The following DCDC1 variants were observed in gnomAD, a reference collection of about 807,000 sequenced individuals.
DCDC1 encodes the protein doublecortin domain containing 1.
DCDC1 carries 200 observed loss-of-function variants against 178.3 expected under a neutral mutation model. That is an observed-to-expected ratio of 1.12 (90% CI 1.00 to 1.26). The LOEUF (loss-of-function observed/expected upper bound fraction) is 1.26. Ranked by LOEUF, DCDC1 falls within the 50% of genes most tolerant of loss-of-function variation. DCDC1 has a pLI of 0.00. For missense variants in DCDC1, 1,983 were observed against 1,749.2 expected (o/e 1.13, Z -2.38); for synonymous variants, 690 against 604.8 (o/e 1.14, Z -2.07).
intron 1 of DCDC1, among the ~76,000 whole-genome samples, chr11:31,349,027 A>T (rs1320575184): frequency 6.5e-5 from 9 of 137,918 alleles, no homozygotes; most frequent in Non-Finnish European, 1.1e-4. Context: ...ATAATAGCTT[A>T]TTTTTTTTTA....
chr11:31,166,913 C>T (rs764972852), intron 9 of DCDC1, among the ~76,000 whole-genome samples: 26 of 152,070 alleles, frequency 1.7e-4, no homozygotes, highest in African/African-American at 6.3e-4. Flanking sequence ...TCTTGAACCA[C>T]GAGAGGAAAC....
At chr11:31,126,095 C>G (rs1266757402) in intron 11 of DCDC1, among the ~76,000 whole-genome samples, 2 of 151,868 alleles carry the variant, frequency 1.3e-5, no homozygotes, top group Non-Finnish European at 2.9e-5. Flanking sequence ...TTTTTTTCCC[C>G]AAGTCACACC....
intron 9 of DCDC1, among the ~76,000 whole-genome samples, chr11:31,174,254 C>T (rs1967669926): frequency 1.3e-5 from 2 of 152,344 alleles, no homozygotes; most frequent in South Asian, 4.1e-4. Context: ...GTTGCCTACT[C>T]CCACTGCCTG....
chr11:31,153,713 G>A (rs547244618), intron 9 of DCDC1, among the ~76,000 whole-genome samples: 1 of 151,400 alleles, frequency 6.6e-6, no homozygotes, highest in South Asian at 2.1e-4. Context: ...AACCCAGGAT[G>A]CAGAGGTTGC....
At chr11:30,924,251 G>T (rs556299031) in intron 23 of DCDC1, among the ~76,000 whole-genome samples, 2 of 152,288 alleles carry the variant, frequency 1.3e-5, no homozygotes, top group South Asian at 4.1e-4. Flanking sequence ...AACACTTGGA[G>T]AGATGGCATT....
chr11:31,099,261 T>A (rs1370753388), intron 15 of DCDC1, among the ~76,000 whole-genome samples: 2 of 152,176 alleles, frequency 1.3e-5, no homozygotes, highest in Admixed American at 1.3e-4. Flanking sequence ...ACAGGGATGA[T>A]CAGGATGTCC....
intron 15 of DCDC1, among the ~76,000 whole-genome samples, chr11:31,098,172 T>C (rs867259374): frequency 6.6e-6 from 1 of 152,228 alleles, no homozygotes; most frequent in East Asian, 1.9e-4. Flanking sequence ...TATTTTCCCA[T>C]AACCAGGCAT....
At chr11:31,186,863 C>A (rs1340399659) in intron 9 of DCDC1, among the ~76,000 whole-genome samples, 1 of 152,198 alleles carries the variant, frequency 6.6e-6, no homozygotes, top group Non-Finnish European at 1.5e-5. Context: ...ATATCTGTTG[C>A]AAATCTGTGG....
chr11:31,332,580 C>A (rs1333216567), intron 2 of DCDC1, among the ~76,000 whole-genome samples: 1 of 152,116 alleles, frequency 6.6e-6, no homozygotes, highest in Non-Finnish European at 1.5e-5. Flanking sequence ...TACATTGTGT[C>A]TTTGTTCTCA....
At chr11:31,246,666 C>T (rs1311200005) in intron 8 of DCDC1, among the ~76,000 whole-genome samples, 1 of 151,986 alleles carries the variant, frequency 6.6e-6, no homozygotes, top group East Asian at 1.9e-4. Flanking sequence ...CCTGGTCCCA[C>T]AGCAACCATC....
intron 2 of DCDC1, among the ~76,000 whole-genome samples, chr11:31,329,164 T>C (rs1418714225): frequency 1.3e-5 from 2 of 152,074 alleles, no homozygotes; most frequent in Non-Finnish European, 2.9e-5. Flanking sequence ...CAGGGCTCTA[T>C]TCTCCTGGAT....
intron 9 of DCDC1, among the ~76,000 whole-genome samples, chr11:31,228,035 A>T (rs1346734948): frequency 6.6e-6 from 1 of 152,080 alleles, no homozygotes; most frequent in Non-Finnish European, 1.5e-5. Context: ...TGAAAGGAGG[A>T]ATAGACAAAT....
rs1944968996 is a variant in DCDC1, at chr11:30,905,146, T to C, written c.4123A>G (p.Lys1375Glu). Residue 1375 changes from lysine to glutamate, a missense_variant, in exon 31 of 39, where the codon AAG becomes GAG. Coordinates refer to ENST00000684477, the MANE Select transcript of DCDC1 (RefSeq NM_001387274.1). Reference protein sequence around the residue: ...SVAEVDLSCDKAEKTLSYYQA... With the variant: ...SVAEVDLSCDEAEKTLSYYQA... ...TAGTAACTTAGAGTTTTTTCAGCCTTGTCACACGACAAATCAACCTAATTT... is the reference window on the plus strand; with the variant it reads ...TAGTAACTTAGAGTTTTTTCAGCCTCGTCACACGACAAATCAACCTAATTT... 1 of 1,603,910 alleles carries C rather than the reference T, an allele frequency of 6.2e-7. No homozygotes were observed. Among genetic ancestry groups the C allele is most frequent in the Non-Finnish European group, 8.5e-7 (1 of 1,173,816 alleles).
Position 30,878,716 on chromosome 11 carries a change from T to TAAAA in DCDC1, c.5234-9_5234-6dup. The TAAAA allele has an allele frequency of 2.2e-6, 3 of 1,390,390 alleles. No individual in the cohort carries two copies. Among genetic ancestry groups the TAAAA allele is most frequent in the South Asian group, 1.4e-5 (1 of 69,988 alleles). 86.1% of individuals were successfully genotyped at this position (1,390,390 alleles called of 1,614,324 possible). On this transcript the variant is annotated splice_region_variant and splice_polypyrimidine_tract_variant and intron_variant, in intron 37 of 38. Transcript: ENST00000684477. ...TCTCCATCAGTTGTTTTAACTCTGT[T>TAAAA]AAAAAAAAAAAAAAAAGAAGTTGAG... is the stretch of plus-strand genomic sequence containing the variant.
intron 8 of DCDC1, among the ~76,000 whole-genome samples, chr11:31,260,952 T>C (rs1457259873): frequency 6.6e-6 from 1 of 152,230 alleles, no homozygotes; most frequent in East Asian, 1.9e-4. Context: ...AATAAATATA[T>C]GCTTTGTCCT....
chr11:31,099,002 A>G (rs1291509433), intron 15 of DCDC1, among the ~76,000 whole-genome samples: 5 of 152,242 alleles, frequency 3.3e-5, no homozygotes, highest in African/African-American at 4.8e-5. Flanking sequence ...GAACCATTTA[A>G]TAATGATAAA....
At chr11:31,029,331 C>T (rs1953464419) in intron 20 of DCDC1, among the ~76,000 whole-genome samples, 2 of 151,900 alleles carry the variant, frequency 1.3e-5, no homozygotes, top group South Asian at 4.1e-4. Context: ...TTTTTAATTG[C>T]CATTACACAA....
chr11:30,979,725 C>T (rs1950289796), intron 20 of DCDC1, among the ~76,000 whole-genome samples: 2 of 152,130 alleles, frequency 1.3e-5, no homozygotes, highest in African/African-American at 4.8e-5. Flanking sequence ...CATGTTTAGA[C>T]ATAAAGAGCC....
intron 20 of DCDC1, among the ~76,000 whole-genome samples, chr11:31,032,749 G>T (rs1300240825): frequency 1.3e-5 from 2 of 152,200 alleles, no homozygotes; most frequent in African/African-American, 4.8e-5. Context: ...TTGGTTTGAA[G>T]TTGTGGGGAC....
Sources: allele counts gnomAD v4.1 joint callset (sites outside exome capture counted in the v4.1 genomes callset), GRCh38; gene constraint gnomAD v4.1.1; transcripts MANE v1.5; gene names NCBI Gene and HGNC (gene_info 2026-07-23, HGNC 2026-07-21).